The following ADAMTS6 variants were observed in gnomAD, a reference collection of about 807,000 sequenced individuals.
The protein encoded by ADAMTS6 is A disintegrin and metalloproteinase with thrombospondin motifs 6.
ADAMTS6 carries 23 observed loss-of-function variants against 144.3 expected under a neutral mutation model. That is an observed-to-expected ratio of 0.16 (90% CI 0.11 to 0.23). The LOEUF (loss-of-function observed/expected upper bound fraction) is 0.23. Ranked by LOEUF, ADAMTS6 falls within the 10% of genes least tolerant of loss-of-function variation. The pLI is 1.00. For missense variants in ADAMTS6, 999 were observed against 1,379.6 expected, an observed-to-expected ratio of 0.72 and a Z score of 4.37; for synonymous variants, 444 against 457.5, an observed-to-expected ratio of 0.97 and a Z score of 0.38.
intron 20 of ADAMTS6, among the ~76,000 whole-genome samples, chr5:65,211,953 C>T (rs1756559574): frequency 6.6e-6 from 1 of 152,154 alleles, no homozygotes; most frequent in Non-Finnish European, 1.5e-5. Context: ...CAAAGATGCA[C>T]AGACTTCAGT....
chr5:65,269,349 C>A (rs1004754840), intron 12 of ADAMTS6, among the ~76,000 whole-genome samples: 1 of 152,138 alleles, frequency 6.6e-6, no homozygotes, highest in East Asian at 1.9e-4. Context: ...ATCATATATG[C>A]TTAGCTCAAT....
chr5:65,414,470 T>G (rs902687022), intron 7 of ADAMTS6, among the ~76,000 whole-genome samples: 10 of 152,026 alleles, frequency 6.6e-5, no homozygotes, highest in African/African-American at 2.4e-4. Flanking sequence ...CACTAAATGA[T>G]GAAAACAAAT....
chr5:65,311,238 A>T (rs557134085), intron 9 of ADAMTS6, among the ~76,000 whole-genome samples: 1 of 152,104 alleles, frequency 6.6e-6, no homozygotes, highest in Non-Finnish European at 1.5e-5. Context: ...TTAATGGTGG[A>T]TAATGTAATA....
At chr5:65,472,822 G>C (rs113522366) in intron 2 of ADAMTS6, among the ~76,000 whole-genome samples, 11 of 152,228 alleles carry the variant, frequency 7.2e-5, no homozygotes, top group African/African-American at 2.6e-4. Flanking sequence ...TACTTTGACA[G>C]CCACACTTTT....
chr5:65,210,719 TG>T, intron 20 of ADAMTS6: 1 of 646,456 alleles, frequency 1.5e-6, no homozygotes, highest in East Asian at 3.0e-5. Context: ...AAGCACATCA[TG>T]GGCCAGAATG....
chr5:65,307,502 G>A (rs1264470937), intron 9 of ADAMTS6, among the ~76,000 whole-genome samples: 1 of 152,172 alleles, frequency 6.6e-6, no homozygotes, highest in East Asian at 1.9e-4. Context: ...GTAGGATCCA[G>A]AGGATCTGCC....
intron 14 of ADAMTS6, among the ~76,000 whole-genome samples, chr5:65,254,806 T>C (rs1345916741): frequency 6.6e-6 from 1 of 152,242 alleles, no homozygotes; most frequent in Non-Finnish European, 1.5e-5. Context: ...TATCATAGTT[T>C]TTCTAGATTT....
intron 24 of ADAMTS6, among the ~76,000 whole-genome samples, chr5:65,158,693 T>C (rs1019593387): frequency 3.9e-5 from 6 of 152,308 alleles, no homozygotes; most frequent in South Asian, 4.1e-4. Context: ...AGCAGCAACA[T>C]AGTGTTACCC....
intron 7 of ADAMTS6, among the ~76,000 whole-genome samples, chr5:65,437,462 G>C (rs1282049643): frequency 2.6e-5 from 4 of 152,008 alleles, no homozygotes; most frequent in Non-Finnish European, 4.4e-5. Context: ...AATAGCAAGG[G>C]AAAGACTCAC....
intron 12 of ADAMTS6, among the ~76,000 whole-genome samples, chr5:65,266,827 T>C (rs1421884545): frequency 6.6e-6 from 1 of 151,962 alleles, no homozygotes; most frequent in Admixed American, 6.6e-5. Context: ...ATGGATCTCT[T>C]TATAATTATG....
At chr5:65,350,658 G>A (rs1235598168) in intron 7 of ADAMTS6, among the ~76,000 whole-genome samples, 1 of 151,944 alleles carries the variant, frequency 6.6e-6, no homozygotes, top group Non-Finnish European at 1.5e-5. Flanking sequence ...CATTTTTGGG[G>A]GCGTGAGGGG....
chr5:65,423,722 C>T (rs1240991655), intron 7 of ADAMTS6, among the ~76,000 whole-genome samples: 2 of 152,030 alleles, frequency 1.3e-5, no homozygotes, highest in East Asian at 3.9e-4. Context: ...CATGAATGTA[C>T]TTGAAGTTAT....
rs1022750217 is a variant in ADAMTS6, at chr5:65,473,806, T to A, written c.-133A>T. The A allele has an allele frequency of 6.4e-5, 41 of 637,714 alleles. No individual in the cohort carries two copies. The highest frequency in any genetic ancestry group is 5.7e-4 in the Middle Eastern group (2 of 3,516). 39.5% of individuals were successfully genotyped at this position (637,714 alleles called of 1,614,324 possible). A position where few individuals can be genotyped will look rare whatever the true frequency, so the allele number is the denominator to read the frequency against. ...ATTAGTTATTGGATGTTCCACTGTTTAAGAGCCACTTTTATCCAACATCCT... is the reference window on the plus strand; with the variant it reads ...ATTAGTTATTGGATGTTCCACTGTTAAAGAGCCACTTTTATCCAACATCCT... On this transcript the variant is annotated 5_prime_UTR_variant, in exon 2 of 25. It introduces an in-frame stop codon into an upstream open reading frame of the 5' UTR. Transcript: ENST00000381055.
intron 9 of ADAMTS6, among the ~76,000 whole-genome samples, chr5:65,308,434 AAACT>A (rs1431659210): frequency 6.6e-6 from 1 of 152,036 alleles, no homozygotes; most frequent in Non-Finnish European, 1.5e-5. Context: ...TTCTGTAGGA[AAACT>A]AACTATAAAA....
At chr5:65,169,520 G>A (rs1753458965) in intron 24 of ADAMTS6, among the ~76,000 whole-genome samples, 1 of 135,476 alleles carries the variant, frequency 7.4e-6, no homozygotes, top group African/African-American at 3.0e-5. Flanking sequence ...ATTTGACCCA[G>A]CCATCCCATT....
intron 7 of ADAMTS6, among the ~76,000 whole-genome samples, chr5:65,391,966 T>G (rs1752958491): frequency 6.6e-6 from 1 of 151,952 alleles, no homozygotes; most frequent in Non-Finnish European, 1.5e-5. Context: ...AAACTCCTGA[T>G]CTCAAGTGAT....
chr5:65,370,628 C>A (rs1750787818), intron 7 of ADAMTS6, among the ~76,000 whole-genome samples: 1 of 152,216 alleles, frequency 6.6e-6, no homozygotes, highest in African/African-American at 2.4e-5. Context: ...GGGTCCTACG[C>A]CCACGGAGTC....
chr5:65,254,209 A>T (rs944257137), intron 14 of ADAMTS6, among the ~76,000 whole-genome samples: 2 of 152,064 alleles, frequency 1.3e-5, no homozygotes, highest in African/African-American at 4.8e-5. Flanking sequence ...TCCATAGGTT[A>T]TATAATAGAA....
intron 20 of ADAMTS6, among the ~76,000 whole-genome samples, chr5:65,204,186 T>C (rs375758881): frequency 5.8e-4 from 89 of 152,340 alleles, no homozygotes; most frequent in African/African-American, 2.1e-3. Flanking sequence ...TAACTCTTCA[T>C]ATGTAAGACT....
Sources: allele counts gnomAD v4.1 joint callset (sites outside exome capture counted in the v4.1 genomes callset), GRCh38; gene constraint gnomAD v4.1.1; transcripts MANE v1.5; gene names NCBI Gene and HGNC (gene_info 2026-07-23, HGNC 2026-07-21).